The following LMX1A variants were observed in gnomAD, a reference collection of about 807,000 sequenced individuals.
LMX1A encodes LIM homeobox transcription factor 1 alpha.
LMX1A carries 15 observed loss-of-function variants against 49.1 expected under a neutral mutation model. The ratio of observed to expected loss-of-function variants is 0.31; its 90% confidence interval spans 0.20 to 0.47. LMX1A has a LOEUF of 0.47. Among genes scored for constraint, LMX1A ranks in the 20% least tolerant of loss-of-function variants. The pLI, the probability that LMX1A is intolerant of heterozygous loss-of-function variation, is 1.00. For synonymous variants in LMX1A, 167 were observed against 185.7 expected (o/e 0.90, Z 0.82); for missense variants, 372 against 475.8 (o/e 0.78, Z 2.03).
chr1:165,347,995 A>C (rs956837055), intron 3 of LMX1A, among the ~76,000 whole-genome samples: 1 of 127,242 alleles, frequency 7.9e-6, no homozygotes, highest in African/African-American at 2.5e-5. Context: ...GCAACAATCA[A>C]GAGGCTTCCC....
At chr1:165,305,720 T>G (rs1446055370) in intron 3 of LMX1A, among the ~76,000 whole-genome samples, 2 of 152,226 alleles carry the variant, frequency 1.3e-5, no homozygotes, top group African/African-American at 4.8e-5. Flanking sequence ...AACTTGAATC[T>G]GGCTTCTTTT....
intron 3 of LMX1A, among the ~76,000 whole-genome samples, chr1:165,257,731 C>T (rs1173279856): frequency 6.6e-6 from 1 of 152,166 alleles, no homozygotes; most frequent in Non-Finnish European, 1.5e-5. Flanking sequence ...CCCAGGAAGA[C>T]CTGAGGAAGT....
intron 3 of LMX1A, among the ~76,000 whole-genome samples, chr1:165,298,406 A>T (rs1654682151): frequency 1.3e-5 from 2 of 152,108 alleles, no homozygotes; most frequent in Admixed American, 6.5e-5. Context: ...GGAGGAATTC[A>T]GCACAATTGG....
intron 3 of LMX1A, among the ~76,000 whole-genome samples, chr1:165,316,311 A>G (rs568260406): frequency 1.3e-5 from 2 of 152,130 alleles, no homozygotes; most frequent in African/African-American, 4.8e-5. Context: ...TACCACGGGG[A>G]GATGGGGAGG....
In LMX1A at chr1:165,332,095, A is replaced by G. The variant is rs540140857; in HGVS notation, c.263+20981T>C. Among the ~76,000 whole-genome samples the G allele has an allele frequency of 8.5e-5, 13 of 152,288 alleles. No homozygotes were observed. In the South Asian group the frequency reaches 1.5e-3, roughly 17 times the overall value. ...TGAATTTTTAGGGAGGTATATTGTA[A>G]TCCTGAGAACAACCACTAAAAAATT... is the stretch of plus-strand genomic sequence containing the variant. On this transcript the variant is annotated intron_variant, in intron 3 of 8. Coordinates refer to ENST00000342310, the MANE Select transcript of LMX1A (RefSeq NM_177398.4).
intron 3 of LMX1A, among the ~76,000 whole-genome samples, chr1:165,333,910 A>C (rs1369664997): frequency 6.6e-6 from 1 of 152,240 alleles, no homozygotes; most frequent in Non-Finnish European, 1.5e-5. Context: ...ATAAGAACTC[A>C]CAGCTGTATG....
At chr1:165,252,814 G>T (rs983311238) in intron 3 of LMX1A, among the ~76,000 whole-genome samples, 2 of 152,146 alleles carry the variant, frequency 1.3e-5, no homozygotes, top group African/African-American at 4.8e-5. Context: ...GCCCCACCCT[G>T]GCAGTAGCTA....
chr1:165,323,383 A>G (rs368324103), intron 3 of LMX1A, among the ~76,000 whole-genome samples: 9 of 152,214 alleles, frequency 5.9e-5, no homozygotes, highest in East Asian at 5.8e-4. Context: ...GGTGTATGCC[A>G]AGTCTCACCA....
chr1:165,337,524 C>T (rs1322614731), intron 3 of LMX1A, among the ~76,000 whole-genome samples: 6 of 152,090 alleles, frequency 3.9e-5, no homozygotes, highest in Non-Finnish European at 8.8e-5. Context: ...CTAATAAGGC[C>T]GTCATGAGGT....
In LMX1A at chr1:165,202,566, TCTC is replaced by T; in HGVS notation, c.*1311_*1313del. On this transcript the variant is annotated 3_prime_UTR_variant, in exon 9 of 9. Coordinates refer to ENST00000342310, the MANE Select transcript of LMX1A (RefSeq NM_177398.4). ...CAGACAGCCTGTTATATATTCTTCTTCTCCTTTTTTTTAATGACCTCAAAAAAA... is the reference window on the plus strand; with the variant it reads ...CAGACAGCCTGTTATATATTCTTCTTCTTTTTTTTAATGACCTCAAAAAAA... The T allele has an allele frequency of 6.6e-6, 1 of 151,916 alleles. No individual in the cohort carries two copies. Among genetic ancestry groups the T allele is most frequent in the East Asian group, 1.9e-4 (1 of 5,162 alleles). The allele number at this position is 151,916 out of a possible 1,614,324, so 9.4% of individuals were successfully genotyped here. A position where few individuals can be genotyped will look rare whatever the true frequency, so the allele number is the denominator to read the frequency against.
At position 165,283,456 on chromosome 1, in the gene LMX1A, T is replaced by G. The variant is rs1654211451; in HGVS notation, c.264-33816A>C. On this transcript the variant is annotated intron_variant, in intron 3 of 8. Coordinates refer to ENST00000342310, the MANE Select transcript of LMX1A (RefSeq NM_177398.4). ...AAAGCTTTTTACTGGTCAAATGTCCTGCCTGGAACCTCCTCCTCCTCTTCT... is the reference window on the plus strand; with the variant it reads ...AAAGCTTTTTACTGGTCAAATGTCCGGCCTGGAACCTCCTCCTCCTCTTCT... Among the ~76,000 whole-genome samples the G allele has an allele frequency of 2.0e-5, 3 of 152,232 alleles. 1 individual carries two copies. The highest frequency in any genetic ancestry group is 2.0e-4 in the Admixed American group (3 of 15,290).
At chr1:165,353,509 G>A (rs972465590) in intron 2 of LMX1A, among the ~76,000 whole-genome samples, 2 of 152,140 alleles carry the variant, frequency 1.3e-5, no homozygotes, top group East Asian at 3.8e-4. Flanking sequence ...TCAATAATTG[G>A]CCTTTAATTA....
intron 3 of LMX1A, among the ~76,000 whole-genome samples, chr1:165,275,617 A>G (rs1291231797): frequency 6.6e-6 from 1 of 151,930 alleles, no homozygotes; most frequent in Admixed American, 6.6e-5. Flanking sequence ...CCCCTTCCTT[A>G]TTTCTATAGC....
At chr1:165,218,711 C>A (rs1258997738) in intron 4 of LMX1A, 4 of 152,330 alleles carry the variant, frequency 2.6e-5, no homozygotes, top group African/African-American at 7.2e-5. Flanking sequence ...CAGGAGACTG[C>A]CCCCAGAACC....
chr1:165,269,242 G>A (rs1001156443), intron 3 of LMX1A, among the ~76,000 whole-genome samples: 1 of 152,240 alleles, frequency 6.6e-6, no homozygotes, highest in Non-Finnish European at 1.5e-5. Flanking sequence ...ATATCCTGCC[G>A]AGAATCAGCT....
intron 3 of LMX1A, among the ~76,000 whole-genome samples, chr1:165,318,562 C>G (rs1282999857): frequency 6.6e-6 from 1 of 152,182 alleles, no homozygotes; most frequent in Non-Finnish European, 1.5e-5. Flanking sequence ...CCTCAGGCCC[C>G]TTCTCCCAGA....
intron 3 of LMX1A, among the ~76,000 whole-genome samples, chr1:165,348,392 A>G (rs1656312657): frequency 1.3e-5 from 2 of 152,162 alleles, no homozygotes; most frequent in African/African-American, 4.8e-5. Context: ...CTGAGCAAAG[A>G]ATGTTTCCAA....
intron 3 of LMX1A, among the ~76,000 whole-genome samples, chr1:165,327,658 C>T (rs572773277): frequency 6.6e-6 from 1 of 152,364 alleles, no homozygotes; most frequent in African/African-American, 2.4e-5. Context: ...CCACAGCACT[C>T]CACCACCAGG....
chr1:165,235,807 G>A (rs1296201069), intron 4 of LMX1A, among the ~76,000 whole-genome samples: 1 of 152,258 alleles, frequency 6.6e-6, no homozygotes, highest in South Asian at 2.1e-4. Flanking sequence ...CTCAGGGGAG[G>A]CTCTAATTGA....
Sources: gnomAD v4.1 joint callset for allele counts (sites outside exome capture counted in the v4.1 genomes callset) on GRCh38, gnomAD v4.1.1 for gene constraint, MANE v1.5 for transcripts, NCBI Gene and HGNC (gene_info 2026-07-23, HGNC 2026-07-21) for gene names.